Variants in THADA observed in about 807,000 individuals in gnomAD.
The protein encoded by THADA is THADA armadillo repeat containing, also known as tRNA (32-2'-O)-methyltransferase regulator THADA.
THADA carries 213 observed loss-of-function variants against 219.8 expected under a neutral mutation model. The ratio of observed to expected loss-of-function variants is 0.97; its 90% CI spans 0.87 to 1.09. The LOEUF is 1.09. Ranked by LOEUF, THADA falls within the 50% of genes least tolerant of loss-of-function variation. The pLI, the probability that THADA is intolerant of heterozygous loss-of-function variation, is 0.00. For synonymous variants in THADA, 1,018 were observed against 828.9 expected (o/e 1.23, Z -3.92); for missense variants, 2,956 against 2,311.3 (o/e 1.28, Z -5.72).
intron 21 of THADA, 73 bp downstream of exon 21, chr2:43,541,086 T>G: frequency 7.2e-7 from 1 of 1,383,382 alleles, no homozygotes; most frequent in South Asian, 1.7e-5. Flanking sequence ...TTTTTTAGAG[T>G]TGGGTTATAA....
intron 25 of THADA, among the ~76,000 whole-genome samples, chr2:43,487,452 C>A (rs998629237): frequency 6.6e-6 from 1 of 152,120 alleles, no homozygotes; most frequent in African/African-American, 2.4e-5. Context: ...TGAATGGATA[C>A]CCTCTGAAAC....
At chr2:43,294,942 C>T (rs1217313837) in intron 31 of THADA, among the ~76,000 whole-genome samples, 1 of 152,154 alleles carries the variant, frequency 6.6e-6, no homozygotes, top group Non-Finnish European at 1.5e-5. Context: ...CAGTTCTTCA[C>T]ACATGTTCAT....
At chr2:43,344,933 T>C (rs951289431) in intron 29 of THADA, among the ~76,000 whole-genome samples, 2 of 152,214 alleles carry the variant, frequency 1.3e-5, no homozygotes, top group Non-Finnish European at 2.9e-5. Context: ...TACAAATCTA[T>C]AGCAGACAAA....
chr2:43,316,809 C>A (rs1678135980), intron 31 of THADA, among the ~76,000 whole-genome samples: 1 of 152,184 alleles, frequency 6.6e-6, no homozygotes. Context: ...TGCCTGTAAT[C>A]CCAGCTACTC....
chr2:43,320,374 G>T, intron 31 of THADA, 72 bp downstream of exon 31: 1 of 1,115,178 alleles, frequency 9.0e-7, no homozygotes, highest in Non-Finnish European at 1.3e-6. Context: ...GTGTGGCAGA[G>T]CCACTCAAAA....
chr2:43,245,172 C>CTTCTTTTTTT (rs796699945), intron 36 of THADA, among the ~76,000 whole-genome samples: 29 of 103,098 alleles, frequency 2.8e-4, no homozygotes, highest in African/African-American at 1.3e-3. Flanking sequence ...CTTTCTTCTT[C>CTTCTTTTTTT]TTTTTTTTTT....
chr2:43,307,732 C>T (rs893444976), intron 31 of THADA, among the ~76,000 whole-genome samples: 1 of 151,250 alleles, frequency 6.6e-6, no homozygotes, highest in Non-Finnish European at 1.5e-5. Flanking sequence ...AAGTCCAACA[C>T]TTTAAAGAAT....
chr2:43,528,878 A>C lies in THADA; in HGVS notation c.3265-890T>G, dbSNP rs116038473. Among the ~76,000 whole-genome samples the C allele has an allele frequency of 8.6e-3, 1,302 of 152,254 alleles. 23 individuals are homozygous for C. Among genetic ancestry groups the C allele is most frequent in the African/African-American group, 0.03 (1,257 of 41,520 alleles). On this transcript the variant is annotated intron_variant, in intron 21 of 37. Coordinates refer to ENST00000405975, the MANE Select transcript of THADA (RefSeq NM_022065.5). Reference sequence around the variant, plus strand: ...ATGTACAATTAAGTGGCATAAGTACATTCATACTTTTGTACAACCATCACC... The same window carrying C: ...ATGTACAATTAAGTGGCATAAGTACCTTCATACTTTTGTACAACCATCACC...
intron 36 of THADA, among the ~76,000 whole-genome samples, chr2:43,251,848 T>C (rs569161662): frequency 1.1e-4 from 17 of 152,338 alleles, no homozygotes; most frequent in Admixed American, 6.5e-4. Context: ...AAAGCTCTTA[T>C]GAAAAAATAG....
chr2:43,262,852 G>C (rs953372446), intron 36 of THADA, among the ~76,000 whole-genome samples: 8 of 152,190 alleles, frequency 5.3e-5, no homozygotes, highest in African/African-American at 9.7e-5. Flanking sequence ...CACAGAAACA[G>C]AATCTCATTT....
chr2:43,285,340 C>T (rs1364797523), intron 35 of THADA, among the ~76,000 whole-genome samples: 1 of 152,160 alleles, frequency 6.6e-6, no homozygotes, highest in African/African-American at 2.4e-5. Context: ...TTGCTATTCT[C>T]ATGACAGTGA....
chr2:43,507,982 G>A (rs1013999412), intron 23 of THADA, among the ~76,000 whole-genome samples: 1 of 152,106 alleles, frequency 6.6e-6, no homozygotes, highest in African/African-American at 2.4e-5. Flanking sequence ...AAACGGACTC[G>A]CACACACATA....
At chr2:43,467,497 T>C (rs1684401165) in intron 26 of THADA, among the ~76,000 whole-genome samples, 1 of 152,110 alleles carries the variant, frequency 6.6e-6, no homozygotes, top group African/African-American at 2.4e-5. Context: ...AACAATACAA[T>C]GGAATAATGT....
chr2:43,569,030 G>C (rs1031111961), intron 14 of THADA, among the ~76,000 whole-genome samples: 1 of 152,096 alleles, frequency 6.6e-6, no homozygotes, highest in African/African-American at 2.4e-5. Context: ...GGAGTGCAGT[G>C]CTACAATTAA....
chr2:43,386,051 C>T (rs985984648), intron 29 of THADA, among the ~76,000 whole-genome samples: 3 of 151,998 alleles, frequency 2.0e-5, no homozygotes, highest in African/African-American at 7.2e-5. Flanking sequence ...ATGGGCCCAT[C>T]AGTAAAACAT....
In THADA at chr2:43,298,902, T is replaced by C. The variant is rs545039048; in HGVS notation, c.4439-5689A>G. Among the ~76,000 whole-genome samples, 12 of 152,252 alleles carry C rather than the reference T, an allele frequency of 7.9e-5. No homozygotes were observed. The South Asian group carries it at 1.0e-3, about 13-fold the overall frequency. ...ACTTGAGTATTAACTCTTTAAGTAT[T>C]TCCTAAGCATATACAGGTTGAGCAT... On this transcript the variant is annotated intron_variant, in intron 31 of 37. Transcript: ENST00000405975.
chr2:43,248,204 GAGAGAGAGAGAC>G (rs1669439692), intron 36 of THADA, among the ~76,000 whole-genome samples: 2 of 133,668 alleles, frequency 1.5e-5, no homozygotes, highest in African/African-American at 2.9e-5. Flanking sequence ...GAGAGAGAGA[GAGAGAGAGAGAC>G]AGAGAGAGAG....
intron 35 of THADA, among the ~76,000 whole-genome samples, chr2:43,283,053 T>C (rs768586660): frequency 6.6e-6 from 1 of 152,224 alleles, no homozygotes; most frequent in Non-Finnish European, 1.5e-5. Flanking sequence ...GTTCTCATGA[T>C]AGTGAGTGAA....
chr2:43,590,874 G>A lies in THADA; in HGVS notation c.252C>T (p.Gly84=), dbSNP rs1164580862. 4 of 1,613,594 alleles carry A rather than the reference G, an allele frequency of 2.5e-6. No homozygotes were observed. The highest frequency in any genetic ancestry group is 1.1e-5 in the South Asian group (1 of 91,066). The change falls in exon 4 of 38, where the codon GGC becomes GGT. Residue 84 remains glycine, a synonymous_variant. Coordinates refer to ENST00000405975, the MANE Select transcript of THADA (RefSeq NM_022065.5). ...TCTTTAGACTCAAAGAAAGATAAAT[G>A]CCTGCTAAGATATCCAAACAACTTT... ...TIQSCLDILA[G]IYLSLSLKNP...
Sources: gnomAD v4.1 joint callset for allele counts (sites outside exome capture counted in the v4.1 genomes callset) on GRCh38, gnomAD v4.1.1 for gene constraint, MANE v1.5 for transcripts, NCBI Gene and HGNC (gene_info 2026-07-23, HGNC 2026-07-21) for gene names.